CTNNA2: variants seen among roughly 807,000 people sequenced by gnomAD.
The protein encoded by CTNNA2 is catenin alpha-2.
Under a neutral mutation model 101.0 loss-of-function variants are expected in CTNNA2, and 42 were observed. The observed-to-expected ratio is 0.42, with a 90% CI of 0.32 to 0.54. The LOEUF (loss-of-function observed/expected upper bound fraction) is 0.54. CTNNA2 is among the 20% of genes least tolerant of loss of function. The pLI, the probability that CTNNA2 is intolerant of heterozygous loss-of-function variation, is 0.14. For missense variants in CTNNA2, 871 were observed against 1,223.1 expected (o/e 0.71, Z 4.29); for synonymous variants, 450 against 456.4 (o/e 0.99, Z 0.18).
chr2:80,238,496 G>A (rs909296595), intron 7 of CTNNA2, among the ~76,000 whole-genome samples: 3 of 152,210 alleles, frequency 2.0e-5, no homozygotes, highest in South Asian at 4.1e-4. Context: ...GGAATGAGGA[G>A]GAGAAGTACG....
chr2:80,133,234 C>A (rs993941465), intron 7 of CTNNA2, among the ~76,000 whole-genome samples: 1 of 152,080 alleles, frequency 6.6e-6, no homozygotes, highest in East Asian at 1.9e-4. Context: ...CTGGGGCTAC[C>A]TGAGCTGGAA....
intron 7 of CTNNA2, among the ~76,000 whole-genome samples, chr2:80,118,329 G>C (rs1042310458): frequency 6.6e-6 from 1 of 152,224 alleles, no homozygotes; most frequent in Non-Finnish European, 1.5e-5. Flanking sequence ...CATTGGAATG[G>C]AGGAAGTCCA....
At chr2:79,312,432 G>T (rs574385489) in intron 2 of CTNNA2, among the ~76,000 whole-genome samples, 1 of 152,068 alleles carries the variant, frequency 6.6e-6, no homozygotes, top group Admixed American at 6.5e-5. Context: ...TAACCACGCC[G>T]TTATTCTCAT....
chr2:80,302,597 G>A lies in CTNNA2; in HGVS notation c.1057-90614G>A. On this transcript the variant is annotated intron_variant, in intron 7 of 18. Transcript: ENST00000402739. The surrounding 1 kb of genome is among the most constrained non-coding windows in gnomAD (Gnocchi z 6.4). Reference sequence around the variant, plus strand: ...GCCGCCTGGAAGAGCCACGGTGGCAGGCTCGAATGTGCCGTCGTGCTGCCC... The same window carrying A: ...GCCGCCTGGAAGAGCCACGGTGGCAAGCTCGAATGTGCCGTCGTGCTGCCC... 1 of 1,606,528 alleles carries A rather than the reference G, an allele frequency of 6.2e-7. No homozygotes were observed. Among genetic ancestry groups the A allele is most frequent in the Non-Finnish European group, 8.5e-7 (1 of 1,178,818 alleles).
rs181717124 is a variant in CTNNA2, at chr2:79,802,710, T to C, written c.299-55303T>C. 7.2e-5 allele frequency among the ~76,000 whole-genome samples: 11 copies of C among 152,388 alleles called. No homozygotes were observed. The East Asian group carries it at 1.3e-3, about 19-fold the overall frequency. ...AAGATTAATATTATACATTTGTTTT[T>C]TGCATGAAATGCAGATTGACTGTGT... On this transcript the variant is annotated intron_variant, in intron 3 of 18. Coordinates refer to ENST00000402739, the MANE Select transcript of CTNNA2 (RefSeq NM_001282597.3).
At chr2:79,944,997 C>A (rs938007834) in intron 7 of CTNNA2, among the ~76,000 whole-genome samples, 1 of 152,062 alleles carries the variant, frequency 6.6e-6, no homozygotes, top group South Asian at 2.1e-4. Flanking sequence ...TTTTCATTTA[C>A]CTTTTCTCAT....
At chr2:80,163,989 G>A (rs1704502890) in intron 7 of CTNNA2, among the ~76,000 whole-genome samples, 1 of 150,740 alleles carries the variant, frequency 6.6e-6, no homozygotes, top group African/African-American at 2.4e-5. Flanking sequence ...CCTTCTGTAT[G>A]TATGTATTTT....
intron 9 of CTNNA2, among the ~76,000 whole-genome samples, chr2:80,502,501 C>T (rs1265982954): frequency 6.6e-6 from 1 of 152,180 alleles, no homozygotes; most frequent in Non-Finnish European, 1.5e-5. Context: ...AGACAAATTA[C>T]AAGAAAGCAC....
At chr2:80,431,044 A>C (rs1163946494) in intron 9 of CTNNA2, among the ~76,000 whole-genome samples, 1 of 152,182 alleles carries the variant, frequency 6.6e-6, no homozygotes, top group Non-Finnish European at 1.5e-5. Context: ...TTAATTGCCC[A>C]GGAAAAAAAT....
At chr2:80,536,323 G>A (rs1303465363) in intron 9 of CTNNA2, among the ~76,000 whole-genome samples, 3 of 152,088 alleles carry the variant, frequency 2.0e-5, no homozygotes, top group African/African-American at 7.2e-5. Flanking sequence ...CCACATGACT[G>A]ACTATAAATT....
rs56392910 is a variant in CTNNA2 at position 79,807,843 on chromosome 2, G to C, written c.299-50170G>C. Among the ~76,000 whole-genome samples the C allele has an allele frequency of 6.0e-3, 909 of 152,236 alleles. 6 individuals carry two copies. The highest frequency in any genetic ancestry group is 0.021 in the African/African-American group (876 of 41,564). Reference sequence around the variant, plus strand: ...CTAAGACTGTTAGAGGAAAATTATAGTCTTCTAGTATGGTAACTGGATTTC... The same window carrying C: ...CTAAGACTGTTAGAGGAAAATTATACTCTTCTAGTATGGTAACTGGATTTC... On this transcript the variant is annotated intron_variant, in intron 3 of 18. Coordinates refer to ENST00000402739, the MANE Select transcript of CTNNA2 (RefSeq NM_001282597.3).
Position 80,091,901 on chromosome 2 carries a change from A to G in CTNNA2, c.1056+182104A>G, listed in dbSNP as rs552829526. Among the ~76,000 whole-genome samples, 7 of 152,240 alleles carry G rather than the reference A, an allele frequency of 4.6e-5. No homozygotes were observed. In the East Asian group the frequency reaches 1.4e-3, roughly 29 times the overall value. ...TGAAACAGGATCCTCTGGCCATCCA[A>G]ACTGTTGTTTTAAGTTAAATTTTTG... is the stretch of plus-strand genomic sequence containing the variant. On this transcript the variant is annotated intron_variant, in intron 7 of 18. Coordinates refer to ENST00000402739, the MANE Select transcript of CTNNA2 (RefSeq NM_001282597.3).
intron 7 of CTNNA2, among the ~76,000 whole-genome samples, chr2:80,379,068 C>T (rs536072547): frequency 1.3e-4 from 19 of 151,956 alleles, no homozygotes; most frequent in East Asian, 1.2e-3. Context: ...TACAAGGGAA[C>T]GGAAAGGTTG....
intron 7 of CTNNA2, among the ~76,000 whole-genome samples, chr2:79,963,353 T>C (rs1016625736): frequency 6.6e-6 from 1 of 152,094 alleles, no homozygotes; most frequent in Non-Finnish European, 1.5e-5. Flanking sequence ...GAAGGCTAAG[T>C]CAAGCGCCAC....
At chr2:79,928,805 T>A (rs780507572) in intron 7 of CTNNA2, among the ~76,000 whole-genome samples, 4 of 152,162 alleles carry the variant, frequency 2.6e-5, no homozygotes, top group Non-Finnish European at 5.9e-5. Context: ...TTTGATAGAT[T>A]TATCAGGTGA....
At chr2:79,891,206 T>C (rs1035733911) in intron 6 of CTNNA2, among the ~76,000 whole-genome samples, 10 of 152,096 alleles carry the variant, frequency 6.6e-5, no homozygotes, top group Non-Finnish European at 1.5e-5. Flanking sequence ...AGGTTTTAAC[T>C]ACAGGGTTTC....
chr2:80,262,901 CAACAACAATATTGACAAAAATAATAAA>C (rs67557428), intron 7 of CTNNA2, among the ~76,000 whole-genome samples: 61,947 of 150,258 alleles, frequency 0.41, 14,476 homozygotes, highest in Non-Finnish European at 0.53. Flanking sequence ...TCTATTCCAT[CAACAACAATATTGACAAAAATAATAAA>C]AACAACAATA....
At chr2:79,288,115 G>T (rs1018093521) in intron 2 of CTNNA2, among the ~76,000 whole-genome samples, 1 of 152,174 alleles carries the variant, frequency 6.6e-6, no homozygotes, top group Non-Finnish European at 1.5e-5. Flanking sequence ...CTCGCGCATG[G>T]TGCGCGCACC....
intron 7 of CTNNA2, among the ~76,000 whole-genome samples, chr2:80,082,456 T>C (rs1319693443): frequency 1.3e-5 from 2 of 152,084 alleles, no homozygotes; most frequent in Non-Finnish European, 2.9e-5. Context: ...AGAAGAAAAT[T>C]CAAAAGTTTT....
Sources: allele counts gnomAD v4.1 joint callset (sites outside exome capture counted in the v4.1 genomes callset), GRCh38; gene constraint gnomAD v4.1.1; non-coding constraint Gnocchi (gnomAD v3.1); transcripts MANE v1.5; gene names NCBI Gene and HGNC (gene_info 2026-07-23, HGNC 2026-07-21).